The following FBXO30 variants were observed in gnomAD, a reference collection of about 807,000 sequenced individuals.
The protein encoded by FBXO30 is F-box protein 30.
A neutral mutation model predicts 58.1 loss-of-function variants in FBXO30; 21 were observed. The observed-to-expected ratio is 0.36, with a 90% confidence interval of 0.26 to 0.52. The LOEUF (loss-of-function observed/expected upper bound fraction) is 0.52. Among genes scored for constraint, FBXO30 ranks in the 20% least tolerant of loss-of-function variants. The pLI, the probability that FBXO30 is intolerant of heterozygous loss-of-function variation, is 0.93. For missense variants in FBXO30, 744 were observed against 897.3 expected, an observed-to-expected ratio of 0.83 and a Z score of 2.18; for synonymous variants, 309 against 312.4, an observed-to-expected ratio of 0.99 and a Z score of 0.11.
rs976266311 is a variant in FBXO30, at chr6:145,795,450, G to A, written c.*4656C>T. 1 of 151,806 alleles carries A rather than the reference G, an allele frequency of 6.6e-6. No homozygotes were observed. The highest frequency in any genetic ancestry group is 2.4e-5 in the African/African-American group (1 of 41,388). 9.4% of individuals were successfully genotyped at this position (151,806 alleles called of 1,614,324 possible). On this transcript the variant is annotated 3_prime_UTR_variant, in exon 3 of 3. Coordinates refer to ENST00000237281, the MANE Select transcript of FBXO30 (RefSeq NM_032145.5). ...AATGGGTTAATAAAATGATTTTGGA[G>A]ATGCTTAAATTTTTACCCAGTATTT...
At position 145,793,889 on chromosome 6, in the gene FBXO30, C is replaced by G. The variant is rs1326050754; in HGVS notation, c.*6217G>C. On this transcript the variant is annotated 3_prime_UTR_variant, in exon 3 of 3. Coordinates refer to ENST00000237281, the MANE Select transcript of FBXO30 (RefSeq NM_032145.5). ...CTAATGCTATAAATTAATTCTAAAC[C>G]ACGGTTTGGGCATTTCACAAACGTT... 2.0e-5 allele frequency: 3 copies of G among 151,990 alleles called. No homozygotes were observed. Among genetic ancestry groups the G allele is most frequent in the Non-Finnish European group, 2.9e-5 (2 of 67,906 alleles). 9.4% of individuals were successfully genotyped at this position (151,990 alleles called of 1,614,324 possible). A position where few individuals can be genotyped will look rare whatever the true frequency, so the allele number is the denominator to read the frequency against.
chr6:145,795,202 TA>T lies in FBXO30; in HGVS notation c.*4903del, dbSNP rs1777846640. The T allele has an allele frequency of 6.6e-6, 1 of 151,824 alleles. No homozygotes were observed. Among genetic ancestry groups the T allele is most frequent in the Non-Finnish European group, 1.5e-5 (1 of 67,778 alleles). The allele number at this position is 151,824 out of a possible 1,614,324, so 9.4% of individuals were successfully genotyped here. On this transcript the variant is annotated 3_prime_UTR_variant, in exon 3 of 3. Coordinates refer to ENST00000237281, the MANE Select transcript of FBXO30 (RefSeq NM_032145.5). ...CCTCACATCTGAGAAACAAAATTTCTAAAAATTTATATTAGAAAAGGGTAGA... is the reference window on the plus strand; with the variant it reads ...CCTCACATCTGAGAAACAAAATTTCTAAAATTTATATTAGAAAAGGGTAGA...
intron 2 of FBXO30, among the ~76,000 whole-genome samples, chr6:145,801,482 C>A (rs899240021): frequency 1.3e-5 from 2 of 151,884 alleles, no homozygotes; most frequent in African/African-American, 4.8e-5. Flanking sequence ...CAAGACAATT[C>A]TTTTTCTACC....
At chr6:145,808,943 A>G (rs1045826726) in intron 1 of FBXO30, among the ~76,000 whole-genome samples, 2 of 152,208 alleles carry the variant, frequency 1.3e-5, no homozygotes, top group African/African-American at 2.4e-5. Flanking sequence ...TAAAATAACA[A>G]AAGTGTACCT....
intron 2 of FBXO30, among the ~76,000 whole-genome samples, chr6:145,803,376 C>A (rs984245038): frequency 6.6e-6 from 1 of 152,036 alleles, no homozygotes; most frequent in African/African-American, 2.4e-5. Flanking sequence ...GATCATTTAT[C>A]GGTCAAGGCC....
intron 2 of FBXO30, among the ~76,000 whole-genome samples, chr6:145,803,292 C>G (rs1007547759): frequency 1.3e-5 from 2 of 151,994 alleles, no homozygotes; most frequent in East Asian, 1.9e-4. Context: ...AAAATACACA[C>G]AAACACAAGC....
At chr6:145,813,469 G>A (rs140876759) in intron 1 of FBXO30, among the ~76,000 whole-genome samples, 3,066 of 152,250 alleles carry the variant, frequency 0.02, 54 homozygotes, top group Middle Eastern at 0.034. Context: ...GTGATTCAGC[G>A]GAAACCGCAT....
intron 2 of FBXO30, 26 bp downstream of exon 2, chr6:145,804,346 T>G (rs1778098328): frequency 6.4e-7 from 1 of 1,555,532 alleles, no homozygotes; most frequent in African/African-American, 1.4e-5. Flanking sequence ...TTATGTCAAA[T>G]AAGAGGTTGT....
chr6:145,801,472 C>T (rs1777996603), intron 2 of FBXO30, among the ~76,000 whole-genome samples: 1 of 151,814 alleles, frequency 6.6e-6, no homozygotes, highest in Non-Finnish European at 1.5e-5. Flanking sequence ...ATGTGTGGCC[C>T]AAGACAATTC....
rs745969601 is a variant in FBXO30, at chr6:145,805,909, G to A, written c.497C>T (p.Pro166Leu). The A allele has an allele frequency of 4.8e-5, 78 of 1,613,870 alleles. No homozygotes were observed. Among genetic ancestry groups the A allele is most frequent in the Non-Finnish European group, 6.0e-5 (71 of 1,179,968 alleles). The change falls in exon 2 of 3, where the codon CCA becomes CTA. Residue 166 changes from proline to leucine, a missense_variant. Pro to Leu is a moderately conservative substitution (Grantham distance 98). Around this residue, in one of 3 missense-constraint regions of FBXO30, gnomAD observed 275 missense variants for 262.0 expected, o/e 1.05. Coordinates refer to ENST00000237281, the MANE Select transcript of FBXO30 (RefSeq NM_032145.5). ...ISVKSSVPEI[P>L]HANGLVSVDE... ...AACAGACACTAAACCATTAGCATGT[G>A]GTATTTCTGGGACACTTGATTTAAC...
chr6:145,810,850 CTAA>C (rs1344230354), intron 1 of FBXO30, among the ~76,000 whole-genome samples: 1 of 152,240 alleles, frequency 6.6e-6, no homozygotes, highest in East Asian at 1.9e-4. Context: ...CAGGCTGTTC[CTAA>C]TGTCTGCCTC....
intron 1 of FBXO30, chr6:145,809,749 T>C (rs1162406007): frequency 6.6e-6 from 1 of 152,224 alleles, no homozygotes; most frequent in Non-Finnish European, 1.5e-5. Flanking sequence ...ATTTTATCCT[T>C]CTTTACACAT....
In FBXO30 at chr6:145,797,871, T is replaced by C. The variant is rs560956234; in HGVS notation, c.*2235A>G. On this transcript the variant is annotated 3_prime_UTR_variant, in exon 3 of 3. Transcript: ENST00000237281. ...ATCTATTAGGCCAACATAAAAACCT[T>C]TTCATACTTAAGAGGAGAGAGAGAT... 6.6e-6 allele frequency: 1 copy of C among 152,144 alleles called. No homozygotes were observed. Among genetic ancestry groups the C allele is most frequent in the East Asian group, 1.9e-4 (1 of 5,180 alleles). The allele number at this position is 152,144 out of a possible 1,614,324, so 9.4% of individuals were successfully genotyped here.
chr6:145,806,430 T>C lies in FBXO30; in HGVS notation c.-16-9A>G, dbSNP rs774705811. The C allele has an allele frequency of 2.5e-6, 4 of 1,589,418 alleles. No individual in the cohort carries two copies. Among genetic ancestry groups the C allele is most frequent in the South Asian group, 1.2e-5 (1 of 86,390 alleles). On this transcript the variant is annotated splice_polypyrimidine_tract_variant and intron_variant, in intron 1 of 2. Coordinates refer to ENST00000237281, the MANE Select transcript of FBXO30 (RefSeq NM_032145.5). ...TAATGGCCAGTCCAGCTCTGGTTGA[T>C]GAAATGGAAAAAGATAAGAAATTAG...
intron 2 of FBXO30, among the ~76,000 whole-genome samples, chr6:145,803,543 T>C (rs1778070424): frequency 6.6e-6 from 1 of 152,154 alleles, no homozygotes; most frequent in Admixed American, 6.5e-5. Flanking sequence ...TGTAAAAGTT[T>C]CATATTATAA....
rs762080793 is a variant in FBXO30 at position 145,805,512 on chromosome 6, G to C, written c.894C>G (p.Asp298Glu). ...PLENICTQVI[D>E]QNQNLHGDSK... ...AATCACCATGTAAATTCTGATTCTG[G>C]TCTATGACCTGGGTACATATATTTT... Residue 298 changes from aspartate to glutamate, a missense_variant, in exon 2 of 3, where the codon GAC becomes GAG. Asp to Glu is a conservative substitution (Grantham distance 45). Coordinates refer to ENST00000237281, the MANE Select transcript of FBXO30 (RefSeq NM_032145.5). 5.0e-6 allele frequency: 8 copies of C among 1,605,680 alleles called. No homozygotes were observed. Among genetic ancestry groups the C allele is most frequent in the Admixed American group, 1.7e-5 (1 of 59,134 alleles).
At chr6:145,809,490 A>C (rs1208471931) in intron 1 of FBXO30, among the ~76,000 whole-genome samples, 1 of 152,232 alleles carries the variant, frequency 6.6e-6, no homozygotes, top group Non-Finnish European at 1.5e-5. Flanking sequence ...ACATATCTTA[A>C]AAACATCACT....
In FBXO30 at chr6:145,798,961, G is replaced by A. The variant is rs1187405452; in HGVS notation, c.*1145C>T. The A allele has an allele frequency of 2.0e-5, 3 of 151,758 alleles. No individual in the cohort carries two copies. The East Asian group carries it at 5.8e-4, about 29-fold the overall frequency. 9.4% of individuals were successfully genotyped at this position (151,758 alleles called of 1,614,324 possible). A position where few individuals can be genotyped will look rare whatever the true frequency, so the allele number is the denominator to read the frequency against. On this transcript the variant is annotated 3_prime_UTR_variant, in exon 3 of 3. Transcript: ENST00000237281. Reference sequence around the variant, plus strand: ...TCATTTTTTAAGCAGACCACATCAGGTTAATAATGGTATAAATCAATTTGA... The same window carrying A: ...TCATTTTTTAAGCAGACCACATCAGATTAATAATGGTATAAATCAATTTGA...
In FBXO30 at chr6:145,805,959, T is replaced by C; in HGVS notation, c.447A>G (p.Val149=). Reference sequence around the variant, plus strand: ...CTGAGATTTGTTCTCTAGGTTTGGATACTTTATCAGTTGCTTTTGACATCA... The same window carrying C: ...CTGAGATTTGTTCTCTAGGTTTGGACACTTTATCAGTTGCTTTTGACATCA... ...ATMMSKATDK[V]SKPREQISVK... The change falls in exon 2 of 3, where the codon GTA becomes GTG. Residue 149 remains valine (V), a synonymous_variant. Coordinates refer to ENST00000237281, the MANE Select transcript of FBXO30 (RefSeq NM_032145.5). 6.2e-7 allele frequency: 1 copy of C among 1,614,102 alleles called. No homozygotes were observed. The highest frequency in any genetic ancestry group is 8.5e-7 in the Non-Finnish European group (1 of 1,179,984).
Sources: allele counts gnomAD v4.1 joint callset (sites outside exome capture counted in the v4.1 genomes callset), GRCh38; gene constraint gnomAD v4.1.1; regional missense constraint gnomAD v4.1.1; transcripts MANE v1.5; gene names NCBI Gene and HGNC (gene_info 2026-07-23, HGNC 2026-07-21).